SCML4: variants seen among roughly 807,000 people sequenced by gnomAD.
The protein encoded by SCML4 is sex comb on midleg-like protein 4.
SCML4 carries 34 observed loss-of-function variants against 41.1 expected under a neutral mutation model. The observed-to-expected ratio is 0.83, with a 90% confidence interval of 0.63 to 1.10. The LOEUF is 1.10. Among genes scored for constraint, SCML4 ranks in the 50% least tolerant of loss-of-function variants. The probability of loss-of-function intolerance (pLI) is 0.00; values close to 1 mark genes in which losing one functional copy is unlikely to be tolerated. For missense variants in SCML4, 522 were observed against 534.1 expected (o/e 0.98, Z 0.22); for synonymous variants, 214 against 220.9 (o/e 0.97, Z 0.28).
chr6:107,834,771 T>C, the SCML4 span, among the ~76,000 whole-genome samples: 1 of 151,248 alleles, frequency 6.6e-6, no homozygotes, highest in Non-Finnish European at 1.5e-5. Flanking sequence ...CATGGTGAAA[T>C]CTGTCTCTAG....
intron 5 of SCML4, chr6:107,743,826 C>T (rs1404171930): frequency 6.6e-6 from 1 of 152,206 alleles, no homozygotes; most frequent in East Asian, 1.9e-4. Flanking sequence ...CCAAGAAAAG[C>T]TATGCAGAGA....
chr6:107,763,279 C>T (rs1397625190), intron 2 of SCML4, among the ~76,000 whole-genome samples: 4 of 152,042 alleles, frequency 2.6e-5, no homozygotes, highest in Admixed American at 1.3e-4. Flanking sequence ...CACTGAAGTA[C>T]TAACACCCAA....
intron 1 of SCML4, among the ~76,000 whole-genome samples, chr6:107,790,315 C>T (rs184810793): frequency 4.1e-4 from 62 of 152,178 alleles, no homozygotes; most frequent in Non-Finnish European, 6.8e-4. Context: ...GTGAATCCTC[C>T]GCCAATATGG....
intron 5 of SCML4, among the ~76,000 whole-genome samples, chr6:107,735,421 C>G (rs551668814): frequency 6.6e-6 from 1 of 152,192 alleles, no homozygotes; most frequent in East Asian, 1.9e-4. Context: ...CATTCCTTTC[C>G]TTTCTTTCTG....
intron 1 of SCML4, among the ~76,000 whole-genome samples, chr6:107,804,903 A>C (rs536878039): frequency 6.6e-6 from 1 of 152,170 alleles, no homozygotes; most frequent in Non-Finnish European, 1.5e-5. Flanking sequence ...CCTGGAGCTC[A>C]AGGCTGCAAT....
At chr6:107,842,148 AT>A in the SCML4 span, among the ~76,000 whole-genome samples, 1 of 151,708 alleles carries the variant, frequency 6.6e-6, no homozygotes, top group Non-Finnish European at 1.5e-5. Context: ...TATTTTTTTC[AT>A]TTGTCTTGAG....
intron 2 of SCML4, among the ~76,000 whole-genome samples, chr6:107,751,309 C>G (rs1044225283): frequency 1.3e-5 from 2 of 152,076 alleles, no homozygotes; most frequent in Non-Finnish European, 2.9e-5. Flanking sequence ...TGAAATTGTA[C>G]CCAAGATTTG....
At chr6:107,794,982 C>T (rs1480067266) in intron 1 of SCML4, among the ~76,000 whole-genome samples, 2 of 152,182 alleles carry the variant, frequency 1.3e-5, no homozygotes, top group Non-Finnish European at 2.9e-5. Context: ...CTTATAATGA[C>T]ACTAGTCATT....
At position 107,767,774 on chromosome 6, in the gene SCML4, G is replaced by A. The variant is rs899896097; in HGVS notation, c.156+4398C>T. Among the ~76,000 whole-genome samples the A allele has an allele frequency of 3.3e-5, 5 of 152,248 alleles. No homozygotes were observed. In the South Asian group the frequency reaches 6.2e-4, roughly 19 times the overall value. The stretch of plus-strand genomic sequence containing the variant: ...GTTTCCTAGCTTCCCTTGTAGCTAC[G>A]GGTGGCTGAGTGACTAACTGCTGGC... On this transcript the variant is annotated intron_variant, in intron 2 of 7. Transcript: ENST00000369020.
the SCML4 span, among the ~76,000 whole-genome samples, chr6:107,843,370 T>A: frequency 6.6e-6 from 1 of 152,192 alleles, no homozygotes; most frequent in Non-Finnish European, 1.5e-5. Context: ...AGAAACATTG[T>A]TCCACTGCCC....
intron 1 of SCML4, among the ~76,000 whole-genome samples, chr6:107,795,178 A>G (rs1342978859): frequency 6.6e-6 from 1 of 152,192 alleles, no homozygotes; most frequent in African/African-American, 2.4e-5. Flanking sequence ...CTTTTATCTT[A>G]TTAGGTATAG....
chr6:107,771,253 T>C (rs979987011), intron 2 of SCML4, among the ~76,000 whole-genome samples: 1 of 152,212 alleles, frequency 6.6e-6, no homozygotes, highest in African/African-American at 2.4e-5. Context: ...CCTGAAATAA[T>C]TTCCATATAT....
chr6:107,713,223 C>G (rs1243451126), intron 6 of SCML4, among the ~76,000 whole-genome samples: 1 of 152,198 alleles, frequency 6.6e-6, no homozygotes, highest in African/African-American at 2.4e-5. Flanking sequence ...TTCACTCATT[C>G]ATAATTCAGG....
At chr6:107,750,054 C>G (rs901002007) in intron 2 of SCML4, among the ~76,000 whole-genome samples, 5 of 152,204 alleles carry the variant, frequency 3.3e-5, no homozygotes, top group Non-Finnish European at 5.9e-5. Flanking sequence ...ATGACAGTGT[C>G]AGGCAGTGAG....
At chr6:107,772,447 G>T in intron 1 of SCML4, 61 bp from the exon 2 acceptor site, 4 of 975,784 alleles carry the variant, frequency 4.1e-6, no homozygotes, top group South Asian at 1.8e-5. Flanking sequence ...GGTTTGCAAG[G>T]CAAACATGAT....
At chr6:107,722,319 A>T (rs1313484334) in intron 5 of SCML4, among the ~76,000 whole-genome samples, 5 of 151,556 alleles carry the variant, frequency 3.3e-5, no homozygotes, top group African/African-American at 1.2e-4. Context: ...CTGTGGCCGA[A>T]TGGTGGGTTT....
At position 107,738,096 on chromosome 6, in the gene SCML4, CA is replaced by C. The variant is rs199880159; in HGVS notation, c.682+6852del. ...AAATTTTAACACTCAAAGGCAACAA[CA>C]ATTTTCCCCGTGGTCATCTCATGAC... On this transcript the variant is annotated intron_variant, in intron 5 of 7. Coordinates refer to ENST00000369020, the MANE Select transcript of SCML4 (RefSeq NM_198081.5). Among the ~76,000 whole-genome samples the C allele has an allele frequency of 4.0e-3, 607 of 152,302 alleles. 6 individuals are homozygous for C. The East Asian group carries it at 0.053, about 13-fold the overall frequency.
At chr6:107,781,232 A>G (rs1399001378) in intron 1 of SCML4, among the ~76,000 whole-genome samples, 1 of 152,232 alleles carries the variant, frequency 6.6e-6, no homozygotes, top group Non-Finnish European at 1.5e-5. Context: ...AAACAAACCC[A>G]GTTTCTGAAT....
chr6:107,745,192 C>A, intron 4 of SCML4, 49 bp from the exon 5 acceptor site: 1 of 1,386,792 alleles, frequency 7.2e-7, no homozygotes, highest in Non-Finnish European at 9.7e-7. Context: ...TGGAGAAAAC[C>A]GCAAGTCAAT....
Sources: gnomAD v4.1 joint callset for allele counts (sites outside exome capture counted in the v4.1 genomes callset) on GRCh38, gnomAD v4.1.1 for gene constraint, MANE v1.5 for transcripts, NCBI Gene and HGNC (gene_info 2026-07-23, HGNC 2026-07-21) for gene names.